The following ITGB7 variants were observed in gnomAD, a reference collection of about 807,000 sequenced individuals.
The protein encoded by ITGB7 is integrin beta-7.
Under a neutral mutation model 83.4 loss-of-function variants are expected in ITGB7, and 55 were observed. That is an observed-to-expected ratio of 0.66 (90% CI 0.53 to 0.83). The LOEUF is 0.83. ITGB7 is among the 40% of genes least tolerant of loss of function. The probability of loss-of-function intolerance (pLI) is 0.00; values close to 1 mark genes in which losing one functional copy is unlikely to be tolerated. For missense variants in ITGB7, 921 were observed against 1,046.7 expected, an observed-to-expected ratio of 0.88 and a Z score of 1.66; for synonymous variants, 454 against 423.6, an observed-to-expected ratio of 1.07 and a Z score of -0.88.
chr12:53,191,577 C>T lies in ITGB7; in HGVS notation c.2376G>A (p.Glu792=). 2 of 1,613,400 alleles carry T rather than the reference C, an allele frequency of 1.2e-6. No individual in the cohort carries two copies. Among genetic ancestry groups the T allele is most frequent in the Non-Finnish European group, 1.7e-6 (2 of 1,179,360 alleles). Residue 792 remains glutamate, a synonymous_variant, in exon 16 of 16, where the codon GAG becomes GAA. Transcript: ENST00000267082. ...ITTTINPRFQ[E]ADSPTL ...TCCTTCAGAGAGTGGGACTGTCTGC[C>T]TCTTGAAAGCGAGGATTGATGGTGG...
rs1238759328 is a variant in ITGB7 at position 53,193,210 on chromosome 12, T to C, written c.1656A>G (p.Gly552=). 1 of 1,614,082 alleles carries C rather than the reference T, an allele frequency of 6.2e-7. No homozygotes were observed. The highest frequency in any genetic ancestry group is 1.1e-5 in the South Asian group (1 of 91,078). ...ACTCGCACAGATGCCCAGAGCTCTG[T>C]CCACTGCAGCTGCAGCGTCCACATT... ...HCQCGRCSCS[G]QSSGHLCECD... is the part of the protein sequence containing the mutation. Residue 552 remains glycine, a synonymous_variant, in exon 12 of 16, where the codon GGA becomes GGG. Coordinates refer to ENST00000267082, the MANE Select transcript of ITGB7 (RefSeq NM_000889.3).
At chr12:53,205,113 C>G (rs1414920975) in intron 1 of ITGB7, among the ~76,000 whole-genome samples, 2 of 151,936 alleles carry the variant, frequency 1.3e-5, no homozygotes, top group Non-Finnish European at 2.9e-5. Flanking sequence ...GCATGAGCCA[C>G]TGTGCCTGGC....
At chr12:53,200,143 C>T in intron 3 of ITGB7, 100 bp downstream of exon 3, 1 of 1,036,134 alleles carries the variant, frequency 9.7e-7, no homozygotes, top group Non-Finnish European at 1.4e-6. Context: ...GAAAATCATA[C>T]ATGTGCCCAC....
intron 8 of ITGB7, 41 bp from the exon 9 acceptor site, chr12:53,195,504 CT>C: frequency 2.5e-6 from 4 of 1,569,026 alleles, no homozygotes; most frequent in Non-Finnish European, 3.5e-6. Flanking sequence ...GGTCACAGCT[CT>C]AGGAAAATGG....
At chr12:53,196,992 G>GCT (rs1942184164) in intron 5 of ITGB7, 172 bp from the exon 6 acceptor site, 1 of 683,576 alleles carries the variant, frequency 1.5e-6, no homozygotes. Flanking sequence ...CTGGCTCAGG[G>GCT]AAGTGGCAGG....
Position 53,196,603 on chromosome 12 carries a change from G to A in ITGB7, c.792C>T (p.Ala264=), listed in dbSNP as rs1942168680. Residue 264 remains alanine (A), a synonymous_variant, in exon 6 of 16, where the codon GCC becomes GCT. Coordinates refer to ENST00000267082, the MANE Select transcript of ITGB7 (RefSeq NM_000889.3). ...CCTGGCAGAGTGCAGCCTGCAGAAT[G>A]GCATCGAAGCCACCTTCAGGCGAGT... The part of the protein sequence containing the change: ...NLDSPEGGFD[A]ILQAALCQEQ... The A allele has an allele frequency of 6.2e-7, 1 of 1,613,354 alleles. No homozygotes were observed. Among genetic ancestry groups the A allele is most frequent in the Non-Finnish European group, 8.5e-7 (1 of 1,179,544 alleles).
At chr12:53,192,058 G>A (rs1941974077) in intron 14 of ITGB7, 39 bp from the exon 15 acceptor site, 1 of 1,598,666 alleles carries the variant, frequency 6.3e-7, no homozygotes. Context: ...GGGAGCTGGA[G>A]CATAGGGACA....
intron 12 of ITGB7, 97 bp from the exon 13 acceptor site, chr12:53,193,007 T>TATGCCAACC (rs1034253923): frequency 1.1e-5 from 15 of 1,386,264 alleles, no homozygotes; most frequent in Non-Finnish European, 2.0e-6. Flanking sequence ...CTTTTTGAAG[T>TATGCCAACC]ATGCCAACCA....
chr12:53,205,753 G>T (rs1942428507), intron 1 of ITGB7, among the ~76,000 whole-genome samples: 1 of 152,184 alleles, frequency 6.6e-6, no homozygotes, highest in South Asian at 2.1e-4. Flanking sequence ...ATCTTCTTCA[G>T]CCTGGGCCCA....
At chr12:53,202,593 G>A (rs1457529280) in intron 1 of ITGB7, among the ~76,000 whole-genome samples, 1 of 151,370 alleles carries the variant, frequency 6.6e-6, no homozygotes, top group Non-Finnish European at 1.5e-5. Context: ...GACCTCAAGT[G>A]ATCCACCTGC....
rs1162394822 is a variant in ITGB7, at chr12:53,196,997, G to A, written c.575-177C>T. On this transcript the variant is annotated intron_variant, in intron 5 of 15. Transcript: ENST00000267082. The stretch of plus-strand genomic sequence containing the variant: ...AGTGAGACCACTGGCTCAGGGAAGT[G>A]GCAGGTAGAAGACATTAAGAGGAGG... 8.9e-6 allele frequency: 6 copies of A among 676,378 alleles called. No individual in the cohort carries two copies. In the Admixed American group the frequency reaches 1.8e-4, roughly 20 times the overall value. The allele number at this position is 676,378 out of a possible 1,614,324, so 41.9% of individuals were successfully genotyped here.
chr12:53,195,955 G>A (rs1364430066), intron 7 of ITGB7, 86 bp downstream of exon 7: 7 of 1,498,206 alleles, frequency 4.7e-6, no homozygotes, highest in African/African-American at 1.4e-5. Flanking sequence ...GGTTACTGGT[G>A]AGGACTGTAA....
chr12:53,200,788 G>C (rs1169681354), intron 2 of ITGB7, among the ~76,000 whole-genome samples: 4 of 152,076 alleles, frequency 2.6e-5, no homozygotes, highest in Non-Finnish European at 5.9e-5. Context: ...AATTAGTCAG[G>C]CATGGTGGCG....
chr12:53,192,642 C>G (rs759187301), intron 13 of ITGB7, 49 bp downstream of exon 13: 1 of 1,601,032 alleles, frequency 6.2e-7, no homozygotes, highest in Non-Finnish European at 8.5e-7. Context: ...AGTAGCTCAA[C>G]AAGCCCCACT....
chr12:53,196,517 A>T, intron 6 of ITGB7, 62 bp downstream of exon 6: 1 of 1,558,764 alleles, frequency 6.4e-7, no homozygotes, highest in South Asian at 1.2e-5. Flanking sequence ...CTACACAACC[A>T]TAAGGGGCAG....
rs750084528 is a variant in ITGB7 at position 53,197,921 on chromosome 12, G to C, written c.232C>G (p.Arg78Gly). ...AGCTCCTCTCGTCGGGCGCAGCGCC[G>C]CGCCTCCGCCTCTCCCGACGCGGTG... is the stretch of plus-strand genomic sequence containing the variant. ...NFTASGEAEA[R>G]RCARREELLA... Residue 78 changes from arginine (R) to glycine (G), a missense_variant, in exon 4 of 16, where the codon CGG (arginine) becomes GGG (glycine). Physicochemically the swap from Arg to Gly is moderately radical, Grantham distance 125. Transcript: ENST00000267082. 1 of 1,543,770 alleles carries C rather than the reference G, an allele frequency of 6.5e-7. No individual in the cohort carries two copies. Among genetic ancestry groups the C allele is most frequent in the Admixed American group, 1.9e-5 (1 of 52,472 alleles).
chr12:53,195,304 C>A, intron 9 of ITGB7, 70 bp downstream of exon 9: 1 of 1,113,420 alleles, frequency 9.0e-7, no homozygotes, highest in Non-Finnish European at 1.4e-6. Context: ...TCTGCCACCC[C>A]ACCCAAGGGC....
rs1458235583 is a variant in ITGB7, at chr12:53,193,760, G to A, written c.1450C>T (p.Gln484Ter). 6.2e-7 allele frequency: 1 copy of A among 1,614,052 alleles called. No individual in the cohort carries two copies. The highest frequency in any genetic ancestry group is 8.5e-7 in the Non-Finnish European group (1 of 1,179,980). ...CDCNCSDTQP[Q>*]APHCSDGQGH... Reference sequence around the variant, plus strand: ...TGGCCATCACTGCAGTGGGGAGCCTGGGGCTGGGTGTCACTGCAATTACAG... The same window carrying A: ...TGGCCATCACTGCAGTGGGGAGCCTAGGGCTGGGTGTCACTGCAATTACAG... Residue 484 changes from glutamine (Q) to a stop codon, truncating the protein, a stop_gained, in exon 11 of 16, where the codon CAG (glutamine) becomes TAG (stop). Transcript: ENST00000267082. LOFTEE classifies it high-confidence loss of function.
intron 3 of ITGB7, among the ~76,000 whole-genome samples, chr12:53,198,645 T>TA (rs772489592): frequency 3.3e-3 from 207 of 62,598 alleles, no homozygotes; most frequent in Non-Finnish European, 4.9e-3. Context: ...CCCAGCCACC[T>TA]ACCCCTCTCC....
Sources: allele counts gnomAD v4.1 joint callset (sites outside exome capture counted in the v4.1 genomes callset), GRCh38; gene constraint gnomAD v4.1.1; transcripts MANE v1.5; gene names NCBI Gene and HGNC (gene_info 2026-07-23, HGNC 2026-07-21).